The following NUP98 variants were observed in gnomAD, a reference collection of about 807,000 sequenced individuals.
NUP98 encodes nucleoporin 98 and 96 precursor.
NUP98 carries 26 observed loss-of-function variants against 191.9 expected under a neutral mutation model. The ratio of observed to expected loss-of-function variants is 0.14; its 90% confidence interval spans 0.10 to 0.19. The LOEUF (loss-of-function observed/expected upper bound fraction) is 0.19. Ranked by LOEUF, NUP98 falls within the 10% of genes least tolerant of loss-of-function variation. The probability of loss-of-function intolerance (pLI) is 1.00; values close to 1 mark genes in which losing one functional copy is unlikely to be tolerated. For synonymous variants in NUP98, 808 were observed against 778.4 expected (o/e 1.04, Z -0.63); for missense variants, 1,941 against 2,178.8 (o/e 0.89, Z 2.17).
At chr11:3,791,626 C>T (rs995423392) in intron 1 of NUP98, among the ~76,000 whole-genome samples, 25 of 150,108 alleles carry the variant, frequency 1.7e-4, no homozygotes, top group African/African-American at 4.9e-4. Context: ...AGACAGATCA[C>T]GAGGTCAGGA....
Position 3,691,607 on chromosome 11 carries a change from G to A in NUP98, c.4312-118C>T, listed in dbSNP as rs12363837. 8,115 of 960,200 alleles carry A rather than the reference G, an allele frequency of 8.5e-3. 48 individuals are homozygous for A. The highest frequency in any genetic ancestry group is 0.011 in the Non-Finnish European group (7,282 of 651,376). The allele number at this position is 960,200 out of a possible 1,614,324, so 59.5% of individuals were successfully genotyped here. The stretch of plus-strand genomic sequence containing the variant: ...CTCACTCTGTCACCCAGGCTGGAGT[G>A]CAGTGGGACAATCTCGGCTCACTGC... On this transcript the variant is annotated intron_variant, in intron 27 of 32. Coordinates refer to ENST00000324932, the MANE Select transcript of NUP98 (RefSeq NM_016320.5).
intron 11 of NUP98, among the ~76,000 whole-genome samples, chr11:3,749,860 T>C (rs934589308): frequency 6.6e-6 from 1 of 151,836 alleles, no homozygotes. Flanking sequence ...TACAGAAAAA[T>C]GGGCATTGTA....
intron 1 of NUP98, among the ~76,000 whole-genome samples, chr11:3,785,696 T>C (rs2082119939): frequency 6.6e-6 from 1 of 151,896 alleles, no homozygotes; most frequent in Admixed American, 6.6e-5. Flanking sequence ...GAAGCAGACG[T>C]TGCAGTTAGT....
intron 29 of NUP98, among the ~76,000 whole-genome samples, chr11:3,684,033 C>A (rs879650766): frequency 1.3e-5 from 2 of 150,278 alleles, no homozygotes; most frequent in South Asian, 4.2e-4. Flanking sequence ...CATGGTGAAA[C>A]CCCGTCTCTG....
Position 3,700,710 on chromosome 11 carries a change from A to G in NUP98, c.3642T>C (p.Asp1214=). Residue 1214 remains aspartate, a synonymous_variant, in exon 24 of 33, where the codon GAT becomes GAC. Transcript: ENST00000324932. ...LKLKHSTVHV[D]ELCPLIVPNL... ...TGGGGACAATGAGAGGACACAGTTC[A>G]TCCACATGGACAGTGCTGTGTTTTA... 6.2e-7 allele frequency: 1 copy of G among 1,614,142 alleles called. No homozygotes were observed. Among genetic ancestry groups the G allele is most frequent in the Non-Finnish European group, 8.5e-7 (1 of 1,179,968 alleles).
intron 4 of NUP98, among the ~76,000 whole-genome samples, chr11:3,776,628 G>C (rs2081741246): frequency 6.6e-6 from 1 of 151,682 alleles, no homozygotes; most frequent in Non-Finnish European, 1.5e-5. Context: ...GGGACTACAG[G>C]TGCCCGCCAC....
At chr11:3,701,595 C>T (rs893473573) in intron 23 of NUP98, among the ~76,000 whole-genome samples, 1 of 151,886 alleles carries the variant, frequency 6.6e-6, no homozygotes, top group African/African-American at 2.4e-5. Context: ...TCAAAATTCA[C>T]AAGATAATGC....
At chr11:3,722,112 T>A (rs2079426392) in intron 16 of NUP98, among the ~76,000 whole-genome samples, 1 of 149,104 alleles carries the variant, frequency 6.7e-6, no homozygotes, top group African/African-American at 2.5e-5. Context: ...ATTCTTTTTT[T>A]TTTTTTTTTT....
intron 18 of NUP98, among the ~76,000 whole-genome samples, chr11:3,716,941 G>A (rs1564837539): frequency 6.6e-6 from 1 of 152,050 alleles, no homozygotes; most frequent in African/African-American, 2.4e-5. Flanking sequence ...CATGCCGCTG[G>A]GATTTTGATA....
At chr11:3,710,594 G>GGTGAT (rs2079001055) in intron 20 of NUP98, among the ~76,000 whole-genome samples, 1 of 152,130 alleles carries the variant, frequency 6.6e-6, no homozygotes, top group Non-Finnish European at 1.5e-5. Flanking sequence ...TAAGGGGTGA[G>GGTGAT]GTGATGGTAT....
Position 3,740,858 on chromosome 11 carries a change from G to C in NUP98, c.1408+3651C>G, listed in dbSNP as rs149687131. 4.5e-3 allele frequency among the ~76,000 whole-genome samples: 671 copies of C among 149,932 alleles called. 5 individuals are homozygous for C. Among genetic ancestry groups the C allele is most frequent in the African/African-American group, 0.016 (633 of 40,744 alleles). On this transcript the variant is annotated intron_variant, in intron 12 of 32. Coordinates refer to ENST00000324932, the MANE Select transcript of NUP98 (RefSeq NM_016320.5). ...TTTGGAGACAGAGTCTCGCACTTTCGCCCAGGCTGGAGTGTAGCGGCGTGA... is the reference window on the plus strand; with the variant it reads ...TTTGGAGACAGAGTCTCGCACTTTCCCCCAGGCTGGAGTGTAGCGGCGTGA...
chr11:3,739,450 T>G (rs2080196758), intron 12 of NUP98, among the ~76,000 whole-genome samples: 1 of 152,104 alleles, frequency 6.6e-6, no homozygotes, highest in Non-Finnish European at 1.5e-5. Context: ...GGTTTCACCA[T>G]GTTGGCCAGG....
At chr11:3,681,031 C>T (rs2077967875) in intron 30 of NUP98, among the ~76,000 whole-genome samples, 1 of 151,868 alleles carries the variant, frequency 6.6e-6, no homozygotes, top group Admixed American at 6.6e-5. Flanking sequence ...TGGCCAATCA[C>T]AAATGTTCCT....
chr11:3,793,879 G>A (rs1195169003), intron 1 of NUP98, among the ~76,000 whole-genome samples: 1 of 152,070 alleles, frequency 6.6e-6, no homozygotes, highest in African/African-American at 2.4e-5. Context: ...TGAGGCAAGA[G>A]AATTGCTTGA....
At chr11:3,729,930 G>A (rs2599732) in intron 14 of NUP98, among the ~76,000 whole-genome samples, 2,005 of 151,946 alleles carry the variant, frequency 0.013, 36 homozygotes, top group African/African-American at 0.046. Flanking sequence ...CCTACTCTGC[G>A]CAAAAACAGT....
intron 13 of NUP98, among the ~76,000 whole-genome samples, chr11:3,734,540 T>G (rs181273474): frequency 6.6e-6 from 1 of 152,328 alleles, no homozygotes; most frequent in East Asian, 1.9e-4. Flanking sequence ...CAAAATGACT[T>G]TCTCATTTTC....
chr11:3,713,857 G>C lies in NUP98; in HGVS notation c.2538C>G (p.Phe846Leu), dbSNP rs372879919. 2.5e-6 allele frequency: 4 copies of C among 1,613,966 alleles called. No homozygotes were observed. Among genetic ancestry groups the C allele is most frequent in the African/African-American group, 1.3e-5 (1 of 74,928 alleles). ...AACCAGTTTCAGGCCGGTATTCTTT[G>C]AATTGAGCTCCCTGTTTCCTTGAAA... Reference protein sequence around the residue: ...EAVSRKQGAQFKEYRPETGSW... With the variant: ...EAVSRKQGAQLKEYRPETGSW... Residue 846 changes from phenylalanine (F) to leucine (L), a missense_variant, in exon 19 of 33, where the codon TTC (phenylalanine) becomes TTG (leucine). Coordinates refer to ENST00000324932, the MANE Select transcript of NUP98 (RefSeq NM_016320.5).
chr11:3,702,591 A>T lies in NUP98; in HGVS notation c.3384T>A (p.Val1128=), dbSNP rs2078742766. The change falls in exon 23 of 33, where the codon GTT becomes GTA. Residue 1128 remains valine, a synonymous_variant. Transcript: ENST00000324932. ...CAAGAGTCCAGTTGGGGCCCCAACC[A>T]ACACGAAATGAGCGTCCCATGAATA... ...MALFMGRSFR[V]GWGPNWTLAN... The T allele has an allele frequency of 6.2e-7, 1 of 1,614,014 alleles. No homozygotes were observed. The highest frequency in any genetic ancestry group is 1.1e-5 in the South Asian group (1 of 91,082).
intron 19 of NUP98, among the ~76,000 whole-genome samples, 183 bp downstream of exon 19, chr11:3,713,635 C>T (rs529261178): frequency 6.6e-6 from 1 of 152,260 alleles, no homozygotes; most frequent in East Asian, 1.9e-4. Flanking sequence ...AGAAGGATTG[C>T]TTGAGCCCAG....
Sources: allele counts gnomAD v4.1 joint callset (sites outside exome capture counted in the v4.1 genomes callset), GRCh38; gene constraint gnomAD v4.1.1; transcripts MANE v1.5; gene names NCBI Gene and HGNC (gene_info 2026-07-23, HGNC 2026-07-21).